Variants in AKAP7 observed in about 807,000 individuals in gnomAD.
The protein encoded by AKAP7 is A kinase (PRKA) anchor protein 7.
A neutral mutation model predicts 39.5 loss-of-function variants in AKAP7; 39 were observed. That is an observed-to-expected ratio of 0.99 (90% CI 0.76 to 1.29). The LOEUF (loss-of-function observed/expected upper bound fraction) is 1.29, where lower values mean the gene tolerates loss of function less well. Ranked by LOEUF, AKAP7 falls within the 50% of genes most tolerant of loss-of-function variation. AKAP7 has a pLI of 0.00. For missense variants in AKAP7, 414 were observed against 407.7 expected (o/e 1.02, Z -0.13); for synonymous variants, 140 against 139.1 (o/e 1.01, Z -0.05).
chr6:131,252,908 T>C, intron 7 of AKAP7: 2 of 863,784 alleles, frequency 2.3e-6, no homozygotes, highest in South Asian at 1.7e-5. Context: ...ATGTGAATAC[T>C]CACTTCTTCT....
At chr6:131,270,964 G>C (rs547557902) in intron 7 of AKAP7, among the ~76,000 whole-genome samples, 1 of 151,948 alleles carries the variant, frequency 6.6e-6, no homozygotes, top group Admixed American at 6.5e-5. Context: ...TTGTTTTCTC[G>C]CTACAAGTTC....
the AKAP7 span, among the ~76,000 whole-genome samples, chr6:131,129,124 T>C: frequency 6.6e-6 from 1 of 151,872 alleles, no homozygotes; most frequent in South Asian, 2.1e-4. Flanking sequence ...TGGTCTCTAC[T>C]AAAAATACAA....
chr6:131,251,754 AG>A (rs1812464064), intron 7 of AKAP7, among the ~76,000 whole-genome samples: 1 of 152,274 alleles, frequency 6.6e-6, no homozygotes. Context: ...GATACTGTAA[AG>A]TGTGTGACAG....
intron 2 of AKAP7, among the ~76,000 whole-genome samples, chr6:131,154,562 CTCT>C (rs929876014): frequency 4.0e-5 from 6 of 149,800 alleles, no homozygotes; most frequent in Admixed American, 2.0e-4. Flanking sequence ...TATTCATTAC[CTCT>C]TCTTTACTGG....
intron 7 of AKAP7, among the ~76,000 whole-genome samples, chr6:131,223,646 T>C (rs1809898606): frequency 6.6e-6 from 1 of 152,178 alleles, no homozygotes; most frequent in African/African-American, 2.4e-5. Flanking sequence ...ACTTCTTGTG[T>C]AGGACAGATT....
intron 7 of AKAP7, chr6:131,250,326 G>A: frequency 2.3e-6 from 3 of 1,311,954 alleles, no homozygotes; most frequent in Non-Finnish European, 2.9e-6. Context: ...TTCACTGAAT[G>A]CCAGTCCCAG....
chr6:131,221,520 G>T (rs914577168), intron 7 of AKAP7, among the ~76,000 whole-genome samples: 1 of 152,208 alleles, frequency 6.6e-6, no homozygotes, highest in Non-Finnish European at 1.5e-5. Context: ...AGACAAAACA[G>T]CCTTCTATTG....
intron 7 of AKAP7, among the ~76,000 whole-genome samples, chr6:131,221,707 A>G (rs1809710577): frequency 6.6e-6 from 1 of 152,226 alleles, no homozygotes; most frequent in African/African-American, 2.4e-5. Flanking sequence ...GAATTATTCT[A>G]AATTCAGTCT....
Position 131,165,181 on chromosome 6 carries a change from T to G in AKAP7, c.392T>G (p.Leu131Arg). The G allele has an allele frequency of 6.2e-7, 1 of 1,609,488 alleles. No individual in the cohort carries two copies. The highest frequency in any genetic ancestry group is 1.1e-5 in the South Asian group (1 of 90,052). ...GATGGTTCCTTTCATATTACCCTGCTGGTGATGCAATTATTAAATGAAGAT... is the reference window on the plus strand; with the variant it reads ...GATGGTTCCTTTCATATTACCCTGCGGGTGATGCAATTATTAAATGAAGAT... ...VSDGSFHITL[L>R]VMQLLNEDEV... The change falls in exon 4 of 8, where the codon CTG becomes CGG. Residue 131 changes from leucine (L) to arginine (R), a missense_variant. Leu to Arg is a moderately radical substitution (Grantham distance 102). Coordinates refer to ENST00000431975, the MANE Select transcript of AKAP7 (RefSeq NM_016377.4).
intron 7 of AKAP7, among the ~76,000 whole-genome samples, chr6:131,273,334 T>C (rs1585222111): frequency 6.6e-6 from 1 of 152,164 alleles, no homozygotes; most frequent in African/African-American, 2.4e-5. Context: ...CAATTATCAA[T>C]ATGGGTGAGT....
At chr6:131,272,297 T>C (rs1440235217) in intron 7 of AKAP7, among the ~76,000 whole-genome samples, 2 of 152,220 alleles carry the variant, frequency 1.3e-5, no homozygotes, top group African/African-American at 4.8e-5. Flanking sequence ...ATCAATTTTA[T>C]AGATTTTTTT....
At chr6:131,227,205 C>G (rs922007392) in intron 7 of AKAP7, among the ~76,000 whole-genome samples, 3 of 152,174 alleles carry the variant, frequency 2.0e-5, no homozygotes, top group African/African-American at 7.2e-5. Context: ...CAATTGTCTT[C>G]ATTGCTTTAA....
intron 3 of AKAP7, among the ~76,000 whole-genome samples, chr6:131,163,722 A>C (rs1803207248): frequency 6.6e-6 from 1 of 152,182 alleles, no homozygotes; most frequent in Admixed American, 6.5e-5. Context: ...GAAGTATATG[A>C]AAATATGTGT....
At chr6:131,229,342 C>T (rs550748490) in intron 7 of AKAP7, among the ~76,000 whole-genome samples, 25 of 151,988 alleles carry the variant, frequency 1.6e-4, no homozygotes, top group Non-Finnish European at 3.1e-4. Context: ...TTTCCCAGTT[C>T]GTTTTGTTTT....
At chr6:131,245,105 C>T (rs563862535) in intron 7 of AKAP7, among the ~76,000 whole-genome samples, 5 of 152,144 alleles carry the variant, frequency 3.3e-5, no homozygotes, top group East Asian at 3.9e-4. Context: ...AAAGTTTTTT[C>T]GGTTGTGGTT....
At chr6:131,214,340 A>G (rs538710946) in intron 6 of AKAP7, among the ~76,000 whole-genome samples, 1 of 152,318 alleles carries the variant, frequency 6.6e-6, no homozygotes, top group South Asian at 2.1e-4. Context: ...CTTTCTGTAA[A>G]GCCTGAACAT....
At chr6:131,177,584 C>T (rs1030741631) in intron 5 of AKAP7, among the ~76,000 whole-genome samples, 2 of 152,192 alleles carry the variant, frequency 1.3e-5, no homozygotes, top group Non-Finnish European at 2.9e-5. Flanking sequence ...CACAAGGCTC[C>T]ATCTCCAGCA....
intron 7 of AKAP7, among the ~76,000 whole-genome samples, chr6:131,241,836 A>G (rs148374154): frequency 3.3e-5 from 5 of 152,194 alleles, no homozygotes; most frequent in Non-Finnish European, 5.9e-5. Context: ...AATTATTTCC[A>G]TAAGTGTGAC....
At chr6:131,207,643 CATCT>C (rs1448048675) in intron 6 of AKAP7, among the ~76,000 whole-genome samples, 1 of 151,788 alleles carries the variant, frequency 6.6e-6, no homozygotes, top group Non-Finnish European at 1.5e-5. Context: ...CCACATACTA[CATCT>C]TTAGTGAAAC....
Sources: gnomAD v4.1 joint callset for allele counts (sites outside exome capture counted in the v4.1 genomes callset) on GRCh38, gnomAD v4.1.1 for gene constraint, MANE v1.5 for transcripts, NCBI Gene and HGNC (gene_info 2026-07-23, HGNC 2026-07-21) for gene names.